SORCS1: variants seen among roughly 807,000 people sequenced by gnomAD.
The protein encoded by SORCS1 is sortilin related VPS10 domain containing receptor 1, also known as VPS10 domain-containing receptor SorCS1.
Under a neutral mutation model 146.1 loss-of-function variants are expected in SORCS1, and 60 were observed. The ratio of observed to expected loss-of-function variants is 0.41; its 90% CI spans 0.33 to 0.51. The LOEUF is 0.51. Among genes scored for constraint, SORCS1 ranks in the 20% least tolerant of loss-of-function variants. The pLI is 0.21. For synonymous variants in SORCS1, 637 were observed against 584.0 expected, an observed-to-expected ratio of 1.09 and a Z score of -1.31; for missense variants, 1,352 against 1,487.6, an observed-to-expected ratio of 0.91 and a Z score of 1.50.
chr10:106,617,604 G>T (rs1026146666), intron 21 of SORCS1, among the ~76,000 whole-genome samples: 12 of 151,932 alleles, frequency 7.9e-5, no homozygotes, highest in Admixed American at 2.6e-4. Context: ...TTCCCCAACT[G>T]ATCACAAAAT....
chr10:107,001,282 A>T (rs1235244098), intron 1 of SORCS1, among the ~76,000 whole-genome samples: 2 of 152,138 alleles, frequency 1.3e-5, no homozygotes, highest in Non-Finnish European at 2.9e-5. Context: ...TCTAAAATGA[A>T]ATGTCATTAC....
chr10:107,042,943 T>C lies in SORCS1; in HGVS notation c.559-86363A>G, dbSNP rs1420003142. On this transcript the variant is annotated intron_variant, in intron 1 of 25. Coordinates refer to ENST00000263054, the MANE Select transcript of SORCS1 (RefSeq NM_052918.5). The stretch of plus-strand genomic sequence containing the variant: ...ACACTGACACAGCTCAAGAAGGCCA[T>C]GTTGGAGCTTCTGTGGTTATCCCAA... 2.6e-5 allele frequency among the ~76,000 whole-genome samples: 4 copies of C among 152,278 alleles called. No individual in the cohort carries two copies. In the East Asian group the frequency reaches 5.8e-4, roughly 22 times the overall value.
At chr10:107,139,327 T>G (rs1967602179) in intron 1 of SORCS1, among the ~76,000 whole-genome samples, 1 of 152,190 alleles carries the variant, frequency 6.6e-6, no homozygotes, top group South Asian at 2.1e-4. Flanking sequence ...AAGATTGGCT[T>G]ATTTGGAAAC....
chr10:106,697,600 C>T (rs1853803619), intron 9 of SORCS1, among the ~76,000 whole-genome samples: 1 of 51,542 alleles, frequency 1.9e-5, no homozygotes, highest in Admixed American at 2.3e-4. Flanking sequence ...GATGTTAAGG[C>T]TATGAGAGTA....
rs576363891 is a variant in SORCS1 at position 106,910,425 on chromosome 10, A to T, written c.626+46088T>A. ...TATGGGGTTGCATGAAGCTTAAATG[A>T]GAGGAAAAGGTGCTCATCTGGCACC... On this transcript the variant is annotated intron_variant, in intron 2 of 25. Transcript: ENST00000263054. Among the ~76,000 whole-genome samples the T allele has an allele frequency of 2.0e-5, 3 of 152,230 alleles. No homozygotes were observed. The South Asian group carries it at 6.2e-4, about 32-fold the overall frequency.
intron 2 of SORCS1, among the ~76,000 whole-genome samples, chr10:106,871,510 G>T (rs1950405629): frequency 6.6e-6 from 1 of 152,152 alleles, no homozygotes. Flanking sequence ...ACCAACTACA[G>T]ACTGGATAAA....
chr10:106,896,223 G>GT, intron 2 of SORCS1, among the ~76,000 whole-genome samples: 1 of 152,184 alleles, frequency 6.6e-6, no homozygotes, highest in African/African-American at 2.4e-5. Flanking sequence ...GAAGTCAGGA[G>GT]TTTGAGACCA....
At chr10:107,129,551 T>C (rs140375929) in intron 1 of SORCS1, among the ~76,000 whole-genome samples, 18 of 152,358 alleles carry the variant, frequency 1.2e-4, no homozygotes, top group Middle Eastern at 3.4e-3. Flanking sequence ...CGGTTTAATG[T>C]CTTAATTAGG....
intron 4 of SORCS1, among the ~76,000 whole-genome samples, chr10:106,772,466 A>G (rs551323852): frequency 7.9e-4 from 117 of 148,156 alleles, no homozygotes; most frequent in Non-Finnish European, 1.5e-3. Flanking sequence ...CAATCAATCA[A>G]TCAATCTCTC....
intron 3 of SORCS1, among the ~76,000 whole-genome samples, chr10:106,786,938 T>A (rs1946083307): frequency 1.3e-5 from 2 of 152,174 alleles, no homozygotes; most frequent in Non-Finnish European, 1.5e-5. Flanking sequence ...AAGGTAAGTG[T>A]ATTTATTGAA....
At chr10:106,614,867 G>A (rs1847250345) in intron 21 of SORCS1, among the ~76,000 whole-genome samples, 1 of 152,148 alleles carries the variant, frequency 6.6e-6, no homozygotes. Flanking sequence ...CAGCTGTTGA[G>A]AGAGATAAAG....
In SORCS1 at chr10:106,607,215, T is replaced by C. The variant is rs749547019; in HGVS notation, c.3116A>G (p.Tyr1039Cys). The change falls in exon 23 of 26, where the codon TAT becomes TGT. Residue 1039 changes from tyrosine to cysteine, a missense_variant. This residue lies in a region of SORCS1 where 214 missense variants were observed against 204.8 expected (regional missense o/e 1.05). Transcript: ENST00000263054. The part of the protein sequence containing the change: ...PTTAELFVLP[Y>C]QDPAGENKRS... ...TTTGTTTTCTCCAGCTGGATCCTGATAGGGTAGGACAAAGAGTTCAGCAGT... is the reference window on the plus strand; with the variant it reads ...TTTGTTTTCTCCAGCTGGATCCTGACAGGGTAGGACAAAGAGTTCAGCAGT... 5.0e-6 allele frequency: 8 copies of C among 1,614,064 alleles called. No homozygotes were observed. The South Asian group carries it at 7.7e-5, about 16-fold the overall frequency.
intron 1 of SORCS1, among the ~76,000 whole-genome samples, chr10:107,001,694 C>T (rs1957231025): frequency 6.6e-6 from 1 of 152,126 alleles, no homozygotes. Context: ...GAAATCGTGC[C>T]CTCAGGTGAT....
At chr10:106,800,692 T>G (rs571910155) in intron 3 of SORCS1, among the ~76,000 whole-genome samples, 15 of 151,990 alleles carry the variant, frequency 9.9e-5, no homozygotes, top group South Asian at 4.2e-4. Context: ...CAGCTAATTT[T>G]TTTGTTTGTT....
At chr10:106,973,727 A>C (rs931626521) in intron 1 of SORCS1, among the ~76,000 whole-genome samples, 2 of 152,222 alleles carry the variant, frequency 1.3e-5, no homozygotes, top group Non-Finnish European at 1.5e-5. Flanking sequence ...AAAATGCCCC[A>C]CAGGCTGCTC....
intron 3 of SORCS1, among the ~76,000 whole-genome samples, chr10:106,798,961 A>G (rs1372413688): frequency 1.3e-5 from 2 of 152,192 alleles, no homozygotes; most frequent in African/African-American, 4.8e-5. Flanking sequence ...GAGGCATCAC[A>G]CTACCTGACT....
intron 6 of SORCS1, among the ~76,000 whole-genome samples, chr10:106,710,457 C>G (rs1345148317): frequency 7.2e-6 from 1 of 138,656 alleles, no homozygotes; most frequent in Admixed American, 7.3e-5. Flanking sequence ...AAAGCAAAAC[C>G]GAATTGGGAG....
intron 2 of SORCS1, among the ~76,000 whole-genome samples, chr10:106,877,519 C>T (rs1013811806): frequency 2.0e-5 from 3 of 152,014 alleles, no homozygotes; most frequent in African/African-American, 7.2e-5. Context: ...GGTGACAGAC[C>T]GAGTCCATCT....
chr10:106,832,612 G>A (rs898301752), intron 2 of SORCS1, among the ~76,000 whole-genome samples: 3 of 151,926 alleles, frequency 2.0e-5, no homozygotes, highest in African/African-American at 7.3e-5. Context: ...TTATTGTACA[G>A]TTTTTTCTAT....
Sources: gnomAD v4.1 joint callset for allele counts (sites outside exome capture counted in the v4.1 genomes callset) on GRCh38, gnomAD v4.1.1 for gene constraint, gnomAD v4.1.1 regional missense constraint, MANE v1.5 for transcripts, NCBI Gene and HGNC (gene_info 2026-07-23, HGNC 2026-07-21) for gene names.